Variants in IRAG2 observed in about 807,000 individuals in gnomAD.
IRAG2 encodes the protein lymphoid restricted membrane protein.
In IRAG2, 45 loss-of-function variants were observed where a neutral mutation model predicts 69.9. The ratio of observed to expected loss-of-function variants is 0.64; its 90% confidence interval spans 0.51 to 0.83. IRAG2 has a LOEUF of 0.83. Among genes scored for constraint, IRAG2 ranks in the 40% least tolerant of loss-of-function variants. The pLI is 0.00. For synonymous variants in IRAG2, 193 were observed against 202.4 expected (o/e 0.95, Z 0.40); for missense variants, 520 against 587.0 (o/e 0.89, Z 1.18).
chr12:25,103,396 G>A (rs371647436), intron 17 of IRAG2: 1 of 158,050 alleles, frequency 6.3e-6, no homozygotes, highest in Non-Finnish European at 1.4e-5. Flanking sequence ...CAAAAGAGAA[G>A]AATAGATTTG....
At chr12:25,002,423 G>T (rs1944397923), upstream of IRAG2, among the ~76,000 whole-genome samples, 1 of 152,084 alleles carries the variant, frequency 6.6e-6, no homozygotes, top group Non-Finnish European at 1.5e-5. Flanking sequence ...TTGAGTACAA[G>T]AATTAAAAAG....
intron 13 of IRAG2, 52 bp from the exon 14 acceptor site, chr12:25,090,005 C>T: frequency 6.4e-7 from 1 of 1,572,006 alleles, no homozygotes; most frequent in Non-Finnish European, 8.7e-7. Flanking sequence ...AAACATCTGA[C>T]CACATCCGGT....
chr12:25,071,037 A>G (rs1398966845), intron 6 of IRAG2, among the ~76,000 whole-genome samples: 4 of 152,132 alleles, frequency 2.6e-5, no homozygotes, highest in Non-Finnish European at 4.4e-5. Flanking sequence ...TTGAGTGGGT[A>G]TATGGCATTG....
intron 16 of IRAG2, among the ~76,000 whole-genome samples, chr12:25,043,387 T>C (rs1389189807): frequency 1.3e-5 from 2 of 152,296 alleles, no homozygotes; most frequent in East Asian, 3.9e-4. Flanking sequence ...CTTATAGTGC[T>C]AATGGGACCT....
chr12:25,018,340 G>A (rs921970279), intron 6 of IRAG2, among the ~76,000 whole-genome samples: 2 of 151,620 alleles, frequency 1.3e-5, no homozygotes, highest in African/African-American at 2.4e-5. Flanking sequence ...TCAAGTAGCT[G>A]GGACTACTGG....
intron 4 of IRAG2, 130 bp downstream of exon 4, chr12:25,063,946 C>T (rs1467853120): frequency 5.1e-6 from 2 of 394,316 alleles, no homozygotes; most frequent in Non-Finnish European, 8.9e-6. Flanking sequence ...CCCCTGAATT[C>T]AGTCAATCAA....
At chr12:25,047,968 A>G (rs1226512757), upstream of IRAG2, among the ~76,000 whole-genome samples, 3 of 152,190 alleles carry the variant, frequency 2.0e-5, no homozygotes. Context: ...TTCCTTGGGT[A>G]TATACTCAGT....
In IRAG2 at chr12:25,061,641, C is replaced by T. The variant is rs1054370902; in HGVS notation, c.-397C>T. On this transcript the variant is annotated 5_prime_UTR_variant, in exon 2 of 22. Transcript: ENST00000556887. ...AGTTCATTGAAGGGGAACACCATGG[C>T]TTGCTGTTTCAGGTAAAATATCTCT... 2 of 398,464 alleles carry T rather than the reference C, an allele frequency of 5.0e-6. No homozygotes were observed. Among genetic ancestry groups the T allele is most frequent in the African/African-American group, 2.1e-5 (1 of 48,642 alleles). The allele number at this position is 398,464 out of a possible 1,614,324, so 24.7% of individuals were successfully genotyped here.
At chr12:25,029,698 G>A (rs933705163) in intron 9 of IRAG2, among the ~76,000 whole-genome samples, 4 of 151,272 alleles carry the variant, frequency 2.6e-5, no homozygotes, top group African/African-American at 9.7e-5. Flanking sequence ...TTTAGTTTTA[G>A]AGATGAGAGT....
intron 16 of IRAG2, among the ~76,000 whole-genome samples, chr12:25,041,197 G>A (rs1044217083): frequency 8.5e-5 from 13 of 152,104 alleles, no homozygotes; most frequent in African/African-American, 3.1e-4. Context: ...GGGCAGGGTG[G>A]GGGGTAAGCA....
chr12:25,106,414 A>C (rs1949124396), intron 20 of IRAG2, among the ~76,000 whole-genome samples: 2 of 133,982 alleles, frequency 1.5e-5, no homozygotes, highest in Admixed American at 1.6e-4. Flanking sequence ...ACTTTGTATA[A>C]GCATATATTA....
At chr12:25,095,469 C>G (rs1948359351) in intron 14 of IRAG2, among the ~76,000 whole-genome samples, 1 of 151,980 alleles carries the variant, frequency 6.6e-6, no homozygotes, top group Non-Finnish European at 1.5e-5. Flanking sequence ...TATGTTAAAC[C>G]ACCCTAACAT....
At chr12:25,102,100 C>T (rs10842467) in intron 16 of IRAG2, 98 bp from the exon 17 acceptor site, 165,363 of 834,832 alleles carry the variant, frequency 0.2, 16,792 homozygotes, top group Middle Eastern at 0.25. Flanking sequence ...GTCTTAATAT[C>T]TTCTGAATTT....
intron 4 of IRAG2, among the ~76,000 whole-genome samples, chr12:25,065,789 C>G (rs1408045029): frequency 6.6e-6 from 1 of 152,222 alleles, no homozygotes; most frequent in African/African-American, 2.4e-5. Context: ...CCTGCCTTAG[C>G]CCCCCAAGTA....
At chr12:25,008,183 A>G (rs1175977899) in intron 2 of IRAG2, among the ~76,000 whole-genome samples, 1 of 152,176 alleles carries the variant, frequency 6.6e-6, no homozygotes. Flanking sequence ...CTAATGTATC[A>G]CCTGAAATAC....
At chr12:25,046,186 T>A (rs1944791772) in intron 16 of IRAG2, among the ~76,000 whole-genome samples, 1 of 152,096 alleles carries the variant, frequency 6.6e-6, no homozygotes, top group Non-Finnish European at 1.5e-5. Flanking sequence ...GTAAAAACTC[T>A]TAAGAAACTA....
chr12:25,008,928 T>A (rs974874326), intron 2 of IRAG2, among the ~76,000 whole-genome samples: 2 of 152,212 alleles, frequency 1.3e-5, no homozygotes, highest in African/African-American at 4.8e-5. Context: ...CATCAAAAAA[T>A]TTTCTTCATA....
Position 25,066,482 on chromosome 12 carries a change from A to T in IRAG2, c.-89A>T. 1 of 401,342 alleles carries T rather than the reference A, an allele frequency of 2.5e-6. No individual in the cohort carries two copies. Among genetic ancestry groups the T allele is most frequent in the Non-Finnish European group, 4.4e-6 (1 of 226,248 alleles). 24.9% of individuals were successfully genotyped at this position (401,342 alleles called of 1,614,324 possible). The stretch of plus-strand genomic sequence containing the variant: ...AGGCCCACATATGGAGAAGTAAAGG[A>T]TGGTGCTTTGGATGTAAAAAGACAA... On this transcript the variant is annotated 5_prime_UTR_variant, in exon 5 of 22. An upstream start codon of the reference 5' UTR is lost. Transcript: ENST00000556887.
chr12:25,096,839 C>T, intron 14 of IRAG2, 71 bp from the exon 15 acceptor site: 5 of 1,242,298 alleles, frequency 4.0e-6, no homozygotes, highest in Non-Finnish European at 5.6e-6. Flanking sequence ...ACATTTGCAA[C>T]TTAGTCAGTG....
Sources: allele counts gnomAD v4.1 joint callset (sites outside exome capture counted in the v4.1 genomes callset), GRCh38; gene constraint gnomAD v4.1.1; transcripts MANE v1.5; gene names NCBI Gene and HGNC (gene_info 2026-07-23, HGNC 2026-07-21).